The following DENND2B variants were observed in gnomAD, a reference collection of about 807,000 sequenced individuals.
The protein encoded by DENND2B is DENN domain-containing protein 2B.
In DENND2B, 32 loss-of-function variants were observed where a neutral mutation model predicts 116.0. That is an observed-to-expected ratio of 0.28 (90% CI 0.21 to 0.37). The LOEUF is 0.37. Among genes scored for constraint, DENND2B ranks in the 10% least tolerant of loss-of-function variants. The probability of loss-of-function intolerance (pLI) is 1.00; values close to 1 mark genes in which losing one functional copy is unlikely to be tolerated. For synonymous variants in DENND2B, 588 were observed against 583.9 expected (o/e 1.01, Z -0.10); for missense variants, 1,276 against 1,477.7 (o/e 0.86, Z 2.24).
chr11:8,769,170 G>C (rs1593403456), intron 1 of DENND2B, among the ~76,000 whole-genome samples: 1 of 151,780 alleles, frequency 6.6e-6, no homozygotes, highest in Admixed American at 6.6e-5. Flanking sequence ...TGTGTATCTA[G>C]TGCCAGCAGA....
chr11:8,751,105 T>C (rs2052366187), intron 1 of DENND2B, among the ~76,000 whole-genome samples: 2 of 151,824 alleles, frequency 1.3e-5, no homozygotes. Flanking sequence ...GGATTGTAAA[T>C]ACACCAATCA....
rs572487447 is a variant in DENND2B at position 8,904,979 on chromosome 11, CAATT to C, written c.-256+5838_-256+5841del. ...TATTGTTAAGATTGCAATTCTTCCT[CAATT>C]AATCTGTGAATTCAATATAATCTCT... On this transcript the variant is annotated intron_variant, in intron 1 of 22. Coordinates refer to the DENND2B transcript ENST00000534127. Among the ~76,000 whole-genome samples the C allele has an allele frequency of 2.4e-4, 37 of 152,174 alleles. No homozygotes were observed. The East Asian group carries it at 6.9e-3, about 29-fold the overall frequency.
Position 8,886,201 on chromosome 11 carries a change from C to T in DENND2B, c.-255-5092G>A, listed in dbSNP as rs373521000. ...CCTCCCACCTCAGCCTCCCAAAGTG[C>T]TGGGATTACAGGCGTGAGCCACCAC... On this transcript the variant is annotated intron_variant, in intron 1 of 22. Coordinates refer to the DENND2B transcript ENST00000534127. 7.9e-5 allele frequency among the ~76,000 whole-genome samples: 12 copies of T among 152,254 alleles called. No homozygotes were observed. The East Asian group carries it at 2.3e-3, about 29-fold the overall frequency.
chr11:8,831,135 G>A (rs980671748), intron 4 of DENND2B, among the ~76,000 whole-genome samples: 26 of 152,166 alleles, frequency 1.7e-4, no homozygotes, highest in Non-Finnish European at 4.4e-5. Flanking sequence ...CAAACTGGGA[G>A]GTGGAGCCCC....
chr11:8,699,690 CA>C (rs2041148023), intron 14 of DENND2B, among the ~76,000 whole-genome samples: 1 of 152,152 alleles, frequency 6.6e-6, no homozygotes, highest in Admixed American at 6.5e-5. Context: ...GGGGGCACAT[CA>C]GTGGGCCCGT....
At chr11:8,718,702 T>C (rs2045571458) in intron 4 of DENND2B, 3 of 1,168,130 alleles carry the variant, frequency 2.6e-6, no homozygotes, top group Non-Finnish European at 3.2e-6. Flanking sequence ...AGGGGAGTTC[T>C]TGCTTCTCAG....
In DENND2B at chr11:8,730,369, G is replaced by C. The variant is rs2047914801; in HGVS notation, c.921C>G (p.Cys307Trp). ...TCCTTTTCCCCCGGTCCACGCTGTA[G>C]CAGCTGCTGGGGAGCTGGGGGAGCC... ...GRGLPQLPSS[C>W]YSVDRGKRKT... The change falls in exon 3 of 20, where the codon TGC becomes TGG. Residue 307 changes from cysteine (C) to tryptophan (W), a missense_variant. Cys to Trp is a radical substitution (Grantham distance 215, BLOSUM62 -2). Coordinates refer to ENST00000313726, the MANE Select transcript of DENND2B (RefSeq NM_213618.2). The surrounding 1 kb of genome is among the most constrained non-coding windows in gnomAD (Gnocchi z 4.1). 1 of 1,604,074 alleles carries C rather than the reference G, an allele frequency of 6.2e-7. No individual in the cohort carries two copies. Among genetic ancestry groups the C allele is most frequent in the Non-Finnish European group, 8.5e-7 (1 of 1,179,680 alleles).
chr11:8,898,044 G>T (rs781463707), intron 1 of DENND2B, among the ~76,000 whole-genome samples: 1 of 152,150 alleles, frequency 6.6e-6, no homozygotes, highest in Non-Finnish European at 1.5e-5. Context: ...AAAGCACTGG[G>T]ATTATAGGCA....
chr11:8,866,146 A>G lies in DENND2B; in HGVS notation c.-250+4808T>C, dbSNP rs2134693297. ...AGCTAATTTTTTGTATTTTTAGTAGAGACGGGGTTTCACCGTGTTAGCCAG... is the reference window on the plus strand; with the variant it reads ...AGCTAATTTTTTGTATTTTTAGTAGGGACGGGGTTTCACCGTGTTAGCCAG... On this transcript the variant is annotated intron_variant, in intron 2 of 6. Coordinates refer to the DENND2B transcript ENST00000524757. Among the ~76,000 whole-genome samples the G allele has an allele frequency of 1.3e-5, 2 of 152,152 alleles. 1 individual carries two copies. Among genetic ancestry groups the G allele is most frequent in the African/African-American group, 4.8e-5 (2 of 41,516 alleles).
Position 8,730,610 on chromosome 11 carries a change from C to A in DENND2B, c.680G>T (p.Arg227Met). 1.2e-6 allele frequency: 2 copies of A among 1,613,124 alleles called. No homozygotes were observed. The highest frequency in any genetic ancestry group is 1.7e-6 in the Non-Finnish European group (2 of 1,180,012). The change falls in exon 3 of 20, where the codon AGG becomes ATG. Residue 227 changes from arginine to methionine, a missense_variant. Physicochemically the swap from Arg to Met is moderately conservative, Grantham distance 91. Transcript: ENST00000313726. This position sits in a 1 kb window ranked among gnomAD's most constrained non-coding sequence, Gnocchi z 4.1. ...ACACTCGGAGAAGGTCCTGCTCATC[C>A]TCCGGAGGCCCTTGAAATCAAAGGT... Reference protein sequence around the residue: ...EKTFDFKGLRRMSRTFSECSY... With the variant: ...EKTFDFKGLRMMSRTFSECSY...
In DENND2B at chr11:8,900,350, T is replaced by C. The variant is rs192141221; in HGVS notation, c.-256+10471A>G. Among the ~76,000 whole-genome samples the C allele has an allele frequency of 2.4e-3, 362 of 149,152 alleles. 1 individual carries two copies. The highest frequency in any genetic ancestry group is 7.7e-3 in the African/African-American group (312 of 40,376). ...AGGAGGCTGAGGCAGGAGAATGACATGAACCCGGGAGGTGGAGCTTGCAGT... is the reference window on the plus strand; with the variant it reads ...AGGAGGCTGAGGCAGGAGAATGACACGAACCCGGGAGGTGGAGCTTGCAGT... On this transcript the variant is annotated intron_variant, in intron 1 of 22. Coordinates refer to the DENND2B transcript ENST00000534127.
chr11:8,734,686 G>A (rs1007229024), intron 2 of DENND2B, among the ~76,000 whole-genome samples: 1 of 151,618 alleles, frequency 6.6e-6, no homozygotes, highest in Non-Finnish European at 1.5e-5. Flanking sequence ...TGACTCGGGA[G>A]GCTGAGGCAG....
At chr11:8,798,850 G>A (rs1178912198) in intron 1 of DENND2B, among the ~76,000 whole-genome samples, 2 of 134,684 alleles carry the variant, frequency 1.5e-5, no homozygotes, top group Admixed American at 7.9e-5. Flanking sequence ...TTTTTTAGAC[G>A]GAGTTTCACT....
At chr11:8,852,537 T>C (rs1196348060) in intron 3 of DENND2B, among the ~76,000 whole-genome samples, 2 of 152,164 alleles carry the variant, frequency 1.3e-5, no homozygotes, top group African/African-American at 2.4e-5. Flanking sequence ...GTAATTGGGA[T>C]AGGAATGTGG....
At chr11:8,856,595 T>A (rs2063201381) in intron 3 of DENND2B, among the ~76,000 whole-genome samples, 2 of 151,730 alleles carry the variant, frequency 1.3e-5, no homozygotes, top group Admixed American at 1.3e-4. Context: ...CAAAAAAAAA[T>A]GTGCAAGGTT....
intron 4 of DENND2B, among the ~76,000 whole-genome samples, chr11:8,820,614 G>A (rs756835961): frequency 2.0e-5 from 3 of 152,132 alleles, no homozygotes; most frequent in Non-Finnish European, 4.4e-5. Context: ...GTATGTGCAT[G>A]TGTGTAAAAA....
At chr11:8,766,678 A>C (rs10734637) in intron 1 of DENND2B, 867,546 of 1,287,212 alleles carry the variant, frequency 0.67, 293,622 homozygotes, top group Non-Finnish European at 0.69. Flanking sequence ...TATGCGCCCC[A>C]CCTCCATTCT....
chr11:8,878,803 A>T (rs1437012794), intron 2 of DENND2B, among the ~76,000 whole-genome samples: 1 of 152,212 alleles, frequency 6.6e-6, no homozygotes, highest in East Asian at 1.9e-4. Flanking sequence ...AAGTGAAAGA[A>T]GCCAGACCCA....
intron 2 of DENND2B, chr11:8,877,558 A>C (rs914270885): frequency 5.9e-5 from 9 of 152,172 alleles, no homozygotes; most frequent in African/African-American, 2.2e-4. Flanking sequence ...AAGTCTAAAA[A>C]TTTACTCATT....
Sources: gnomAD v4.1 joint callset for allele counts (sites outside exome capture counted in the v4.1 genomes callset) on GRCh38, gnomAD v4.1.1 for gene constraint, Gnocchi (gnomAD v3.1) non-coding constraint, MANE v1.5 for transcripts, NCBI Gene and HGNC (gene_info 2026-07-23, HGNC 2026-07-21) for gene names.